Variants in ADGRA2 observed in about 807,000 individuals in gnomAD.
ADGRA2 encodes the protein adhesion G protein-coupled receptor A2.
Under a neutral mutation model 98.7 loss-of-function variants are expected in ADGRA2, and 61 were observed. That is an observed-to-expected ratio of 0.62 (90% CI 0.50 to 0.76). The LOEUF is 0.76. Ranked by LOEUF, ADGRA2 falls within the 30% of genes least tolerant of loss-of-function variation. The pLI is 0.00. For synonymous variants in ADGRA2, 858 were observed against 831.5 expected, an observed-to-expected ratio of 1.03 and a Z score of -0.55; for missense variants, 1,712 against 1,860.0, an observed-to-expected ratio of 0.92 and a Z score of 1.46.
rs2129897226 is a variant in ADGRA2 at position 37,802,744 on chromosome 8, G to A, written c.266+5210G>A. Among the ~76,000 whole-genome samples, 1 of 152,312 alleles carries A rather than the reference G, an allele frequency of 6.6e-6. No homozygotes were observed. Among genetic ancestry groups the A allele is most frequent in the Non-Finnish European group, 1.5e-5 (1 of 68,014 alleles). ...TGGGGCCTGGAAGCCCCTCCCCTGA[G>A]AGCTCCCTCTGCTGCAGGATGTTAG... On this transcript the variant is annotated intron_variant, in intron 1 of 18. Coordinates refer to ENST00000412232, the MANE Select transcript of ADGRA2 (RefSeq NM_032777.10). This position sits in a 1 kb window ranked among gnomAD's most constrained non-coding sequence, Gnocchi z 4.7.
rs149974258 is a variant in ADGRA2 at position 37,817,381 on chromosome 8, A to G, written c.338+2414A>G. Among the ~76,000 whole-genome samples the G allele has an allele frequency of 9.4e-3, 1,434 of 152,204 alleles. 24 individuals carry two copies. The highest frequency in any genetic ancestry group is 0.033 in the African/African-American group (1,355 of 41,524). Reference sequence around the variant, plus strand: ...GTGGCTCACAGACAGAGTGGTCCTGATGCACAGGAAGGGCTGCCACCAAGC... The same window carrying G: ...GTGGCTCACAGACAGAGTGGTCCTGGTGCACAGGAAGGGCTGCCACCAAGC... On this transcript the variant is annotated intron_variant, in intron 2 of 18. Coordinates refer to ENST00000412232, the MANE Select transcript of ADGRA2 (RefSeq NM_032777.10).
chr8:37,811,168 G>GTTTT (rs762992936), intron 1 of ADGRA2, among the ~76,000 whole-genome samples: 47 of 101,730 alleles, frequency 4.6e-4, no homozygotes, highest in East Asian at 1.9e-3. Flanking sequence ...GTGTGTGTGT[G>GTTTT]TTTTTTTTTT....
intron 2 of ADGRA2, among the ~76,000 whole-genome samples, chr8:37,817,160 C>T (rs11995811): frequency 0.28 from 42,364 of 151,968 alleles, 6,532 homozygotes; most frequent in African/African-American, 0.38. Context: ...GGCCCCAAGC[C>T]CCCGAAGCTG....
intron 5 of ADGRA2, 81 bp from the exon 6 acceptor site, chr8:37,829,770 C>T: frequency 7.1e-7 from 1 of 1,406,530 alleles, no homozygotes; most frequent in East Asian, 2.3e-5. Flanking sequence ...TCTCCAGCTT[C>T]ATCCCTCCCT....
intron 9 of ADGRA2, among the ~76,000 whole-genome samples, chr8:37,833,483 C>T (rs1805518089): frequency 6.6e-6 from 1 of 152,214 alleles, no homozygotes; most frequent in South Asian, 2.1e-4. Context: ...GTCCCACTGT[C>T]CTTACACCAG....
At chr8:37,798,506 G>A (rs985795975) in intron 1 of ADGRA2, among the ~76,000 whole-genome samples, 2 of 152,208 alleles carry the variant, frequency 1.3e-5, no homozygotes, top group Admixed American at 1.3e-4. Flanking sequence ...CCCCACCGCA[G>A]AGATTTCCTG....
At chr8:37,799,396 C>A (rs1804434601) in intron 1 of ADGRA2, among the ~76,000 whole-genome samples, 1 of 150,800 alleles carries the variant, frequency 6.6e-6, no homozygotes, top group Non-Finnish European at 1.5e-5. Flanking sequence ...AAAAAGAATT[C>A]AGAGCTGAGA....
intron 2 of ADGRA2, among the ~76,000 whole-genome samples, chr8:37,820,592 G>C (rs1805099678): frequency 6.6e-6 from 1 of 152,238 alleles, no homozygotes; most frequent in Non-Finnish European, 1.5e-5. Flanking sequence ...GGCTTGGGCG[G>C]CTGAGGCCAT....
At position 37,829,245 on chromosome 8, in the gene ADGRA2, G is replaced by A. The variant is rs199752577; in HGVS notation, c.411-16G>A. ...GCCACGTGGCCAACATGCTGAGGTT[G>A]CCTGTGTCTCTCTAGAGATCTCTCC... is the stretch of plus-strand genomic sequence containing the variant. On this transcript the variant is annotated splice_polypyrimidine_tract_variant and intron_variant, in intron 3 of 18. Coordinates refer to ENST00000412232, the MANE Select transcript of ADGRA2 (RefSeq NM_032777.10). The A allele has an allele frequency of 1.9e-6, 3 of 1,609,602 alleles. No homozygotes were observed. The highest frequency in any genetic ancestry group is 2.6e-6 in the Non-Finnish European group (3 of 1,176,188).
At chr8:37,839,108 G>A (rs755704772) in intron 15 of ADGRA2, 25 bp downstream of exon 15, 2 of 1,606,520 alleles carry the variant, frequency 1.2e-6, no homozygotes, top group Non-Finnish European at 1.7e-6. Flanking sequence ...AGGAGGGAGG[G>A]CGTGGTGGGC....
At chr8:37,806,195 T>G (rs1247968198) in intron 1 of ADGRA2, among the ~76,000 whole-genome samples, 37 of 152,200 alleles carry the variant, frequency 2.4e-4, no homozygotes, top group Admixed American at 2.4e-3. Flanking sequence ...CCACCTCCTA[T>G]GAATGGAAGT....
At position 37,838,397 on chromosome 8, in the gene ADGRA2, G is replaced by A. The variant is rs145737945; in HGVS notation, c.2259+458G>A. Among the ~76,000 whole-genome samples the A allele has an allele frequency of 1.2e-3, 183 of 152,018 alleles. 1 individual carries two copies. Among genetic ancestry groups the A allele is most frequent in the Admixed American group, 2.7e-3 (41 of 15,262 alleles). On this transcript the variant is annotated intron_variant, in intron 14 of 18. Coordinates refer to ENST00000412232, the MANE Select transcript of ADGRA2 (RefSeq NM_032777.10). ...CTCCCAAGTAGCTGGGATTACAGGC[G>A]TGTGCCACCATGCCCGGCTAATTTT...
At chr8:37,820,041 G>A (rs570072197) in intron 2 of ADGRA2, among the ~76,000 whole-genome samples, 2 of 152,168 alleles carry the variant, frequency 1.3e-5, no homozygotes, top group African/African-American at 4.8e-5. Flanking sequence ...TGTAGGGCAG[G>A]CCAGCAGTCT....
chr8:37,829,140 C>A (rs1805378393), intron 3 of ADGRA2, 121 bp from the exon 4 acceptor site: 1 of 862,258 alleles, frequency 1.2e-6, no homozygotes, highest in Non-Finnish European at 1.9e-6. Context: ...CTGGCCCCAA[C>A]CTCATCTCCT....
Position 37,830,650 on chromosome 8 carries a change from A to C in ADGRA2, c.719-60A>C. Reference sequence around the variant, plus strand: ...ACCCCATCCTGCTGGACTCTCGCTCACACGTGCAGCCTCACATGCGTGTGC... The same window carrying C: ...ACCCCATCCTGCTGGACTCTCGCTCCCACGTGCAGCCTCACATGCGTGTGC... On this transcript the variant is annotated intron_variant, in intron 6 of 18. Transcript: ENST00000412232. The surrounding 1 kb of genome is among the most constrained non-coding windows in gnomAD (Gnocchi z 4.8). 1 of 627,874 alleles carries C rather than the reference A, an allele frequency of 1.6e-6. No homozygotes were observed. The highest frequency in any genetic ancestry group is 2.6e-5 in the Admixed American group (1 of 38,658). 38.9% of individuals were successfully genotyped at this position (627,874 alleles called of 1,614,324 possible).
intron 18 of ADGRA2, 38 bp downstream of exon 18, chr8:37,840,887 T>A: frequency 1.2e-6 from 1 of 824,642 alleles, no homozygotes; most frequent in Non-Finnish European, 1.8e-6. Flanking sequence ...CCTACCTACC[T>A]AACACCAGAT....
intron 1 of ADGRA2, among the ~76,000 whole-genome samples, chr8:37,808,637 A>G (rs1418509798): frequency 6.6e-6 from 1 of 151,630 alleles, no homozygotes; most frequent in Non-Finnish European, 1.5e-5. Flanking sequence ...TGTAACACCC[A>G]GCTTTCTACC....
chr8:37,811,922 G>C (rs1723497951), intron 1 of ADGRA2, among the ~76,000 whole-genome samples: 1 of 150,724 alleles, frequency 6.6e-6, no homozygotes, highest in Non-Finnish European at 1.5e-5. Flanking sequence ...GGCCAACATG[G>C]TGAAACCCCG....
chr8:37,839,712 G>T (rs1805733977), intron 16 of ADGRA2, 90 bp downstream of exon 16: 2 of 1,510,436 alleles, frequency 1.3e-6, no homozygotes, highest in Admixed American at 3.6e-5. Flanking sequence ...GAAGAAAAAG[G>T]CTGGTGCTCA....
Sources: allele counts gnomAD v4.1 joint callset (sites outside exome capture counted in the v4.1 genomes callset), GRCh38; gene constraint gnomAD v4.1.1; non-coding constraint Gnocchi (gnomAD v3.1); transcripts MANE v1.5; gene names NCBI Gene and HGNC (gene_info 2026-07-23, HGNC 2026-07-21).